IP6K2: variants seen among roughly 807,000 people sequenced by gnomAD.
The protein encoded by IP6K2 is inositol hexakisphosphate kinase 2.
Under a neutral mutation model 43.3 loss-of-function variants are expected in IP6K2, and 9 were observed. That is an observed-to-expected ratio of 0.21 (90% CI 0.13 to 0.36). The LOEUF (loss-of-function observed/expected upper bound fraction) is 0.36. Ranked by LOEUF, IP6K2 falls within the 10% of genes least tolerant of loss-of-function variation. The pLI, the probability that IP6K2 is intolerant of heterozygous loss-of-function variation, is 1.00. For synonymous variants in IP6K2, 209 were observed against 202.4 expected, an observed-to-expected ratio of 1.03 and a Z score of -0.28; for missense variants, 332 against 538.4, an observed-to-expected ratio of 0.62 and a Z score of 3.79.
In IP6K2 at chr3:48,695,330, G is replaced by A. The variant is rs201967339; in HGVS notation, c.-39C>T. The A allele has an allele frequency of 1.6e-5, 25 of 1,585,596 alleles. No individual in the cohort carries two copies. The highest frequency in any genetic ancestry group is 2.7e-5 in the African/African-American group (2 of 74,400). On this transcript the variant is annotated 5_prime_UTR_variant, in exon 2 of 6. Coordinates refer to ENST00000328631, the MANE Select transcript of IP6K2 (RefSeq NM_016291.4). This position sits in a 1 kb window ranked among gnomAD's most constrained non-coding sequence, Gnocchi z 4.6. ...ATGGCGGGGAGATGGGGGAGGCAGCGGAGTCCAGCGGCCAGTACGTCTTCT... is the reference window on the plus strand; with the variant it reads ...ATGGCGGGGAGATGGGGGAGGCAGCAGAGTCCAGCGGCCAGTACGTCTTCT...
At chr3:48,711,505 A>G (rs2080509987) in intron 1 of IP6K2, 1 of 152,204 alleles carries the variant, frequency 6.6e-6, no homozygotes, top group South Asian at 2.1e-4. Flanking sequence ...AGATACAAAC[A>G]CAAAGCAAGA....
Position 48,689,601 on chromosome 3 carries a change from G to C in IP6K2, c.717C>G (p.Asn239Lys), listed in dbSNP as rs773332048. 5 of 1,614,180 alleles carry C rather than the reference G, an allele frequency of 3.1e-6. No individual in the cohort carries two copies. The highest frequency in any genetic ancestry group is 4.2e-6 in the Non-Finnish European group (5 of 1,180,044). The change falls in exon 5 of 6, where the codon AAC (asparagine) becomes AAG (lysine). Residue 239 changes from asparagine (N) to lysine (K), a missense_variant. Coordinates refer to ENST00000328631, the MANE Select transcript of IP6K2 (RefSeq NM_016291.4). Reference sequence around the variant, plus strand: ...TGCTCTGCTGACATTTTCGGATCTGGTTGGCTGCCTTCTCCTCTGAAGCAT... The same window carrying C: ...TGCTCTGCTGACATTTTCGGATCTGCTTGGCTGCCTTCTCCTCTGAAGCAT... ...GDDASEEKAANQIRKCQQSTS... is the reference protein window; with the variant it reads ...GDDASEEKAAKQIRKCQQSTS...
At chr3:48,712,742 C>T (rs567786366) in intron 1 of IP6K2, among the ~76,000 whole-genome samples, 10 of 151,346 alleles carry the variant, frequency 6.6e-5, no homozygotes, top group African/African-American at 2.4e-4. Flanking sequence ...GCAGGCCGGG[C>T]GCAGTGGCTC....
chr3:48,704,981 G>A (rs1032247674), intron 1 of IP6K2, among the ~76,000 whole-genome samples: 5 of 150,628 alleles, frequency 3.3e-5, no homozygotes, highest in East Asian at 2.0e-4. Context: ...TCACTCTGTC[G>A]CCCAGGCTGG....
rs770755595 is a variant in IP6K2, at chr3:48,689,528, T to A, written c.780+10A>T. On this transcript the variant is annotated intron_variant, in intron 5 of 5. Transcript: ENST00000328631. ...CTGGATGCCCTAGCCAGCCCTAGCA[T>A]CCCCCTCACCTGCATGCCACACACA... 5 of 1,606,132 alleles carry A rather than the reference T, an allele frequency of 3.1e-6. No individual in the cohort carries two copies. Among genetic ancestry groups the A allele is most frequent in the Non-Finnish European group, 2.5e-6 (3 of 1,176,562 alleles).
intron 2 of IP6K2, chr3:48,694,884 C>T (rs1451896530): frequency 3.5e-5 from 54 of 1,539,164 alleles, no homozygotes; most frequent in Non-Finnish European, 4.4e-5. Flanking sequence ...CACAACAAAA[C>T]AGAATTGAGC....
intron 1 of IP6K2, chr3:48,699,576 A>AATC (rs1182612329): frequency 1.3e-5 from 2 of 152,172 alleles, no homozygotes; most frequent in African/African-American, 4.8e-5. Context: ...CTCTTGGGAA[A>AATC]ATCATCATCA....
In IP6K2 at chr3:48,692,975, C is replaced by T. The variant is rs779424351; in HGVS notation, c.407G>A (p.Arg136His). The change falls in exon 3 of 6, where the codon CGT (arginine) becomes CAT (histidine). Residue 136 changes from arginine to histidine, a missense_variant. Arg to His is a conservative substitution (Grantham distance 29). Transcript: ENST00000328631. The part of the protein sequence containing the change: ...KTPKDWVRQH[R>H]KEEKMKSHKL... The stretch of plus-strand genomic sequence containing the variant: ...TCACCTCTTCATTTTCTCCTCTTTA[C>T]GGTGCTGACGCACCCAGTCCTTAGG... 19 of 1,612,336 alleles carry T rather than the reference C, an allele frequency of 1.2e-5. No homozygotes were observed. Among genetic ancestry groups the T allele is most frequent in the East Asian group, 4.5e-5 (2 of 44,886 alleles).
intron 1 of IP6K2, among the ~76,000 whole-genome samples, chr3:48,706,128 ACC>A (rs1454465831): frequency 1.3e-5 from 2 of 151,452 alleles, no homozygotes; most frequent in Non-Finnish European, 2.9e-5. Context: ...AATCACTTGA[ACC>A]CGGGAGGCGG....
At chr3:48,698,466 A>C (rs545881173) in intron 1 of IP6K2, among the ~76,000 whole-genome samples, 85 of 152,094 alleles carry the variant, frequency 5.6e-4, no homozygotes, top group Middle Eastern at 6.8e-3. Flanking sequence ...CCCCATCTCT[A>C]CAATTTTTTT....
intron 1 of IP6K2, among the ~76,000 whole-genome samples, chr3:48,696,223 A>T (rs1305422441): frequency 6.6e-6 from 1 of 152,060 alleles, no homozygotes; most frequent in Admixed American, 6.6e-5. Context: ...AAATACAGGG[A>T]AAACCTGCTT....
intron 1 of IP6K2, among the ~76,000 whole-genome samples, chr3:48,705,622 C>T (rs183958844): frequency 1.9e-4 from 28 of 151,048 alleles, no homozygotes; most frequent in Non-Finnish European, 2.8e-4. Flanking sequence ...CACTGCACTC[C>T]AGCCTGGATG....
At chr3:48,707,698 A>G (rs1252304565) in intron 1 of IP6K2, among the ~76,000 whole-genome samples, 5 of 152,176 alleles carry the variant, frequency 3.3e-5, no homozygotes, top group African/African-American at 9.7e-5. Flanking sequence ...TTGGCCTCCC[A>G]AAGTGCTGGG....
At chr3:48,701,567 CAAAAAAAAAA>C (rs67509214) in intron 1 of IP6K2, among the ~76,000 whole-genome samples, 1 of 47,448 alleles carries the variant, frequency 2.1e-5, no homozygotes, top group African/African-American at 9.4e-5. Context: ...GACTCCGTCT[CAAAAAAAAAA>C]AAAAAAAAAA....
chr3:48,710,870 A>T (rs562355829), intron 1 of IP6K2, among the ~76,000 whole-genome samples: 43 of 152,134 alleles, frequency 2.8e-4, no homozygotes, highest in African/African-American at 1.0e-3. Flanking sequence ...CGGCCGCCCA[A>T]AGTGCTGGGA....
rs2078258486 is a variant in IP6K2, at chr3:48,695,675, A to T, written c.-130-254T>A. The T allele has an allele frequency of 2.6e-6, 1 of 377,482 alleles. No individual in the cohort carries two copies. The highest frequency in any genetic ancestry group is 4.6e-6 in the Non-Finnish European group (1 of 216,650). The allele number at this position is 377,482 out of a possible 1,614,324, so 23.4% of individuals were successfully genotyped here. On this transcript the variant is annotated intron_variant, in intron 1 of 5. Transcript: ENST00000328631. The surrounding 1 kb of genome is among the most constrained non-coding windows in gnomAD (Gnocchi z 4.6). ...GCCCTAAAAAGGCAGAGGTCCCACT[A>T]CGGTGTTAGAAAGCCACTGCCGCAG...
At chr3:48,692,427 G>A (rs1417520950) in intron 3 of IP6K2, among the ~76,000 whole-genome samples, 1 of 152,208 alleles carries the variant, frequency 6.6e-6, no homozygotes, top group Non-Finnish European at 1.5e-5. Context: ...AGGTTCCCCT[G>A]ACTCCAAAAG....
At chr3:48,694,328 G>C (rs1299416401) in intron 2 of IP6K2, 3 of 1,549,428 alleles carry the variant, frequency 1.9e-6, no homozygotes, top group Non-Finnish European at 2.6e-6. Flanking sequence ...AGAGTACAGA[G>C]AAAGGCACCC....
chr3:48,692,902 C>A (rs1245333630), intron 3 of IP6K2, 52 bp downstream of exon 3: 3 of 1,393,078 alleles, frequency 2.2e-6, no homozygotes, highest in Non-Finnish European at 3.0e-6. Context: ...AACCAAAACC[C>A]CCAACACTTC....
Sources: allele counts gnomAD v4.1 joint callset (sites outside exome capture counted in the v4.1 genomes callset), GRCh38; gene constraint gnomAD v4.1.1; non-coding constraint Gnocchi (gnomAD v3.1); transcripts MANE v1.5; gene names NCBI Gene and HGNC (gene_info 2026-07-23, HGNC 2026-07-21).